ERBB4: variants seen among roughly 807,000 people sequenced by gnomAD.
ERBB4 encodes erb-b2 receptor tyrosine kinase 4.
ERBB4 carries 42 observed loss-of-function variants against 158.0 expected under a neutral mutation model. The observed-to-expected ratio is 0.27, with a 90% CI of 0.21 to 0.34. The LOEUF (loss-of-function observed/expected upper bound fraction) is 0.34, where lower values mean the gene tolerates loss of function less well. Ranked by LOEUF, ERBB4 falls within the 10% of genes least tolerant of loss-of-function variation. The pLI, the probability that ERBB4 is intolerant of heterozygous loss-of-function variation, is 1.00. For missense variants in ERBB4, 1,333 were observed against 1,624.1 expected (o/e 0.82, Z 3.08); for synonymous variants, 583 against 558.7 (o/e 1.04, Z -0.61).
intron 20 of ERBB4, among the ~76,000 whole-genome samples, chr2:211,433,063 G>A (rs937904740): frequency 1.6e-4 from 24 of 152,142 alleles, no homozygotes; most frequent in Admixed American, 3.3e-4. Context: ...TAAAACTGCA[G>A]GCAAACAGAA....
At chr2:211,808,117 G>A (rs996264483) in intron 3 of ERBB4, among the ~76,000 whole-genome samples, 7 of 152,126 alleles carry the variant, frequency 4.6e-5, no homozygotes, top group African/African-American at 9.7e-5. Flanking sequence ...CTGTGCAGAA[G>A]CTCTTTAGTT....
chr2:211,669,201 C>T (rs1255234650), intron 14 of ERBB4, among the ~76,000 whole-genome samples: 7 of 111,926 alleles, frequency 6.3e-5, no homozygotes, highest in South Asian at 2.9e-4. Context: ...ACAGTCTGGG[C>T]GACAGAGTGA....
intron 1 of ERBB4, among the ~76,000 whole-genome samples, chr2:212,402,077 C>T (rs1001728200): frequency 6.6e-6 from 1 of 152,074 alleles, no homozygotes; most frequent in African/African-American, 2.4e-5. Flanking sequence ...TTCACAGCAA[C>T]TTTATTTGTA....
At chr2:211,985,504 A>C (rs1158228488) in intron 2 of ERBB4, among the ~76,000 whole-genome samples, 1 of 152,158 alleles carries the variant, frequency 6.6e-6, no homozygotes, top group East Asian at 1.9e-4. Context: ...ATTGACCATC[A>C]GTAAAAGGGT....
intron 19 of ERBB4, among the ~76,000 whole-genome samples, chr2:211,613,849 G>A (rs1206021915): frequency 6.6e-6 from 1 of 151,984 alleles, no homozygotes; most frequent in Non-Finnish European, 1.5e-5. Context: ...CCACTATGGA[G>A]AACACTTTGG....
chr2:212,451,624 T>C (rs540758310), intron 1 of ERBB4, among the ~76,000 whole-genome samples: 1 of 152,236 alleles, frequency 6.6e-6, no homozygotes, highest in Non-Finnish European at 1.5e-5. Context: ...TCTTTAATAG[T>C]GTTTTTTAAT....
intron 1 of ERBB4, among the ~76,000 whole-genome samples, chr2:212,153,320 C>A (rs1374489058): frequency 1.3e-5 from 2 of 152,112 alleles, no homozygotes; most frequent in Non-Finnish European, 2.9e-5. Flanking sequence ...GGAGTTGTTT[C>A]ACAAAGTGAG....
At chr2:211,433,576 C>A (rs1471233508) in intron 20 of ERBB4, among the ~76,000 whole-genome samples, 17 of 144,020 alleles carry the variant, frequency 1.2e-4, no homozygotes, top group African/African-American at 2.3e-4. Flanking sequence ...GTGAGACTCT[C>A]AAAAAAAAAT....
chr2:212,161,451 C>A (rs1357919401), intron 1 of ERBB4, among the ~76,000 whole-genome samples: 1 of 151,840 alleles, frequency 6.6e-6, no homozygotes, highest in Non-Finnish European at 1.5e-5. Flanking sequence ...GCCTCCTTTT[C>A]TCCCATAGGT....
intron 19 of ERBB4, among the ~76,000 whole-genome samples, chr2:211,592,926 G>A (rs548976641): frequency 4.0e-5 from 6 of 151,534 alleles, no homozygotes; most frequent in East Asian, 3.9e-4. Flanking sequence ...CAGGAGAATC[G>A]CTTGAACCGG....
At chr2:211,970,729 G>A (rs2081429595) in intron 2 of ERBB4, among the ~76,000 whole-genome samples, 1 of 152,092 alleles carries the variant, frequency 6.6e-6, no homozygotes, top group Non-Finnish European at 1.5e-5. Context: ...CATTTGCCTG[G>A]AAGATTTTCT....
At chr2:211,494,615 T>G (rs1397244823) in intron 20 of ERBB4, among the ~76,000 whole-genome samples, 2 of 152,122 alleles carry the variant, frequency 1.3e-5, no homozygotes, top group Non-Finnish European at 2.9e-5. Flanking sequence ...AGAAGACTTC[T>G]CAGAAATAAT....
intron 2 of ERBB4, among the ~76,000 whole-genome samples, chr2:212,055,928 G>A (rs1414025544): frequency 5.3e-5 from 8 of 152,244 alleles, no homozygotes; most frequent in Admixed American, 5.2e-4. Flanking sequence ...GCTGGATGGA[G>A]AATGACTTTG....
At chr2:212,060,256 T>C (rs1379109107) in intron 2 of ERBB4, among the ~76,000 whole-genome samples, 1 of 151,876 alleles carries the variant, frequency 6.6e-6, no homozygotes, top group East Asian at 2.0e-4. Flanking sequence ...AAAACCACAA[T>C]GAGATACCAT....
intron 1 of ERBB4, among the ~76,000 whole-genome samples, chr2:212,463,835 T>C (rs1449730102): frequency 1.3e-5 from 2 of 152,152 alleles, no homozygotes; most frequent in Non-Finnish European, 2.9e-5. Context: ...TTAGGATACA[T>C]GGAAAGACAT....
At chr2:212,193,126 G>C (rs1298575483) in intron 1 of ERBB4, among the ~76,000 whole-genome samples, 2 of 152,060 alleles carry the variant, frequency 1.3e-5, no homozygotes, top group African/African-American at 2.4e-5. Context: ...TTACCTCCTG[G>C]GTTTGGATAT....
At chr2:211,484,733 C>T (rs766187044) in intron 20 of ERBB4, among the ~76,000 whole-genome samples, 5 of 152,180 alleles carry the variant, frequency 3.3e-5, no homozygotes, top group Middle Eastern at 3.4e-3. Flanking sequence ...AGAACTACAA[C>T]GATTCTTTTA....
chr2:211,654,288 AT>A (rs1271090745), intron 16 of ERBB4, among the ~76,000 whole-genome samples: 1 of 152,176 alleles, frequency 6.6e-6, no homozygotes, highest in Non-Finnish European at 1.5e-5. Context: ...TCTCATAAAC[AT>A]CCCCTCACAA....
At chr2:212,426,844 G>A (rs2091924086) in intron 1 of ERBB4, among the ~76,000 whole-genome samples, 1 of 152,042 alleles carries the variant, frequency 6.6e-6, no homozygotes, top group South Asian at 2.1e-4. Flanking sequence ...GCTCGGGGTA[G>A]CCATACTCTA....
Sources: allele counts gnomAD v4.1 joint callset (sites outside exome capture counted in the v4.1 genomes callset), GRCh38; gene constraint gnomAD v4.1.1; transcripts MANE v1.5; gene names NCBI Gene and HGNC (gene_info 2026-07-23, HGNC 2026-07-21).